Variants in SEPTIN9 observed in about 807,000 individuals in gnomAD.
The protein encoded by SEPTIN9 is septin 9, also known as septin-9.
In SEPTIN9, 13 loss-of-function variants were observed where a neutral mutation model predicts 56.6. That is an observed-to-expected ratio of 0.23 (90% CI 0.15 to 0.37). SEPTIN9 has a LOEUF of 0.37. SEPTIN9 is among the 10% of genes least tolerant of loss of function. The pLI is 1.00. For synonymous variants in SEPTIN9, 332 were observed against 334.1 expected (o/e 0.99, Z 0.07); for missense variants, 650 against 823.1 (o/e 0.79, Z 2.57).
intron 3 of SEPTIN9, among the ~76,000 whole-genome samples, chr17:77,438,335 C>T (rs2037428869): frequency 6.6e-6 from 1 of 152,208 alleles, no homozygotes; most frequent in African/African-American, 2.4e-5. Context: ...AGGCAGCCTC[C>T]TGGGCCTGTA....
intron 2 of SEPTIN9, among the ~76,000 whole-genome samples, chr17:77,349,150 A>G (rs2033979847): frequency 6.6e-6 from 1 of 151,888 alleles, no homozygotes; most frequent in Admixed American, 6.6e-5. Context: ...CACAGGCTAC[A>G]GTGCAATGGT....
chr17:77,498,825 G>A lies in SEPTIN9; in HGVS notation c.*167G>A. On this transcript the variant is annotated 3_prime_UTR_variant, in exon 12 of 12. Transcript: ENST00000427177. ...AGGGAAGGGGCCTCCCTCCGAGTGA[G>A]TCAGTGATGAGGCCGCGGCCTCCCC... 1.6e-6 allele frequency: 1 copy of A among 637,964 alleles called. No individual in the cohort carries two copies. The highest frequency in any genetic ancestry group is 2.9e-6 in the Non-Finnish European group (1 of 346,122). The allele number at this position is 637,964 out of a possible 1,614,324, so 39.5% of individuals were successfully genotyped here.
chr17:77,349,410 C>T (rs1869097445), intron 2 of SEPTIN9, among the ~76,000 whole-genome samples: 1 of 152,184 alleles, frequency 6.6e-6, no homozygotes, highest in South Asian at 2.1e-4. Flanking sequence ...AGCCACTGTG[C>T]CCAGCCTGCT....
intron 2 of SEPTIN9, among the ~76,000 whole-genome samples, chr17:77,393,483 C>T (rs2035608495): frequency 3.3e-5 from 5 of 152,186 alleles, no homozygotes; most frequent in Admixed American, 2.6e-4. Context: ...CACATTTCAG[C>T]ATGCACAGCC....
At chr17:77,418,085 G>A (rs575680301) in intron 3 of SEPTIN9, among the ~76,000 whole-genome samples, 129 of 152,312 alleles carry the variant, frequency 8.5e-4, no homozygotes, top group Admixed American at 5.1e-3. Context: ...CGACTCACAC[G>A]TTGCGGCACC....
At position 77,326,542 on chromosome 17, in the gene SEPTIN9, G is replaced by A. The variant is rs968568837; in HGVS notation, c.76+19345G>A. Among the ~76,000 whole-genome samples, 1 of 152,246 alleles carries A rather than the reference G, an allele frequency of 6.6e-6. No homozygotes were observed. Among genetic ancestry groups the A allele is most frequent in the South Asian group, 2.1e-4 (1 of 4,838 alleles). Reference sequence around the variant, plus strand: ...GCAATGTGTTCAAAGGCCCTGGGGCGCGGGGGGCTGAGGCCGGCAGCACGG... The same window carrying A: ...GCAATGTGTTCAAAGGCCCTGGGGCACGGGGGGCTGAGGCCGGCAGCACGG... On this transcript the variant is annotated intron_variant, in intron 2 of 11. Transcript: ENST00000427177. This position sits in a 1 kb window ranked among gnomAD's most constrained non-coding sequence, Gnocchi z 5.1.
intron 3 of SEPTIN9, among the ~76,000 whole-genome samples, chr17:77,411,592 G>A (rs948247701): frequency 2.6e-5 from 4 of 151,528 alleles, no homozygotes; most frequent in African/African-American, 9.7e-5. Flanking sequence ...AGTAGAGACG[G>A]GGTTTCACCA....
At chr17:77,385,140 T>C (rs1026834447) in intron 2 of SEPTIN9, among the ~76,000 whole-genome samples, 2 of 148,398 alleles carry the variant, frequency 1.3e-5, no homozygotes, top group Non-Finnish European at 3.0e-5. Context: ...GAGACCAGCC[T>C]GGGCAACATA....
Position 77,499,061 on chromosome 17 carries a change from G to A in SEPTIN9, c.*403G>A, listed in dbSNP as rs1028736265. ...TGCAGAGGAGCCCAGTGGGCTGCAC[G>A]CTCCCCTCCATCCCCATCGGCCCTG... On this transcript the variant is annotated 3_prime_UTR_variant, in exon 12 of 12. Coordinates refer to ENST00000427177, the MANE Select transcript of SEPTIN9 (RefSeq NM_001113491.2). 11 of 536,750 alleles carry A rather than the reference G, an allele frequency of 2.0e-5. No individual in the cohort carries two copies. Among genetic ancestry groups the A allele is most frequent in the Non-Finnish European group, 2.5e-5 (7 of 276,940 alleles). The allele number at this position is 536,750 out of a possible 1,614,324, so 33.2% of individuals were successfully genotyped here.
At position 77,475,172 on chromosome 17, in the gene SEPTIN9, AT is replaced by A; in HGVS notation, c.722-6971del. On this transcript the variant is annotated intron_variant, in intron 3 of 11. Transcript: ENST00000427177. The surrounding 1 kb of genome is among the most constrained non-coding windows in gnomAD (Gnocchi z 4.6). ...AGCCGGGCTGGGGTGAGCGTGATGG[AT>A]GAGGTGTCTGGCTTCACAAACCCTG... is the stretch of plus-strand genomic sequence containing the variant. 1 of 1,138,108 alleles carries A rather than the reference AT, an allele frequency of 8.8e-7. No individual in the cohort carries two copies. Among genetic ancestry groups the A allele is most frequent in the Non-Finnish European group, 1.1e-6 (1 of 914,606 alleles). 70.5% of individuals were successfully genotyped at this position (1,138,108 alleles called of 1,614,324 possible). A position where few individuals can be genotyped will look rare whatever the true frequency, so the allele number is the denominator to read the frequency against.
In SEPTIN9 at chr17:77,402,288, G is replaced by T; in HGVS notation, c.306G>T (p.Glu102Asp). 1 of 1,612,542 alleles carries T rather than the reference G, an allele frequency of 6.2e-7. No homozygotes were observed. Among genetic ancestry groups the T allele is most frequent in the East Asian group, 2.2e-5 (1 of 44,836 alleles). The part of the protein sequence containing the change: ...RVELSGPKAA[E>D]PVSRRTELSI... ...AGCTCTCGGGCCCCAAGGCGGCCGAGCCGGTGTCCCGGCGCACTGAGCTGT... is the reference window on the plus strand; with the variant it reads ...AGCTCTCGGGCCCCAAGGCGGCCGATCCGGTGTCCCGGCGCACTGAGCTGT... Residue 102 changes from glutamate (E) to aspartate (D), a missense_variant, in exon 3 of 12, where the codon GAG becomes GAT. Physicochemically the swap from Glu to Asp is conservative, Grantham distance 45. This residue lies in a region of SEPTIN9 where 317 missense variants were observed against 329.1 expected (regional missense o/e 0.96). Coordinates refer to ENST00000427177, the MANE Select transcript of SEPTIN9 (RefSeq NM_001113491.2). This position sits in a 1 kb window ranked among gnomAD's most constrained non-coding sequence, Gnocchi z 6.6.
Position 77,429,259 on chromosome 17 carries a change from A to G in SEPTIN9, c.721+26556A>G, listed in dbSNP as rs2037035294. The G allele has an allele frequency of 4.2e-6, 2 of 471,156 alleles. No homozygotes were observed. The highest frequency in any genetic ancestry group is 1.5e-5 in the South Asian group (1 of 64,574). The allele number at this position is 471,156 out of a possible 1,614,324, so 29.2% of individuals were successfully genotyped here. On this transcript the variant is annotated intron_variant, in intron 3 of 11. Transcript: ENST00000427177. This position sits in a 1 kb window ranked among gnomAD's most constrained non-coding sequence, Gnocchi z 5.2. ...GAGAAGCTCGTTGACCGTGACCTTG[A>G]TCTGACCGTAATTTTGATGGTGCCG...
intron 3 of SEPTIN9, among the ~76,000 whole-genome samples, chr17:77,472,160 G>C (rs1477556719): frequency 1.3e-5 from 2 of 152,180 alleles, no homozygotes; most frequent in South Asian, 2.1e-4. Context: ...GAGGTGGTGG[G>C]TTGCAAATGA....
intron 2 of SEPTIN9, among the ~76,000 whole-genome samples, chr17:77,399,612 G>A (rs1479939353): frequency 2.6e-5 from 4 of 152,150 alleles, no homozygotes; most frequent in East Asian, 1.9e-4. Context: ...GTACGGGGGC[G>A]GTAATAATAT....
At chr17:77,419,238 C>G (rs570869593) in intron 3 of SEPTIN9, among the ~76,000 whole-genome samples, 9 of 152,212 alleles carry the variant, frequency 5.9e-5, no homozygotes, top group Non-Finnish European at 1.0e-4. Flanking sequence ...GGCCCAGCCT[C>G]CTGCTGTGGC....
chr17:77,312,312 C>T (rs1314201399), intron 2 of SEPTIN9, among the ~76,000 whole-genome samples: 1 of 152,162 alleles, frequency 6.6e-6, no homozygotes, highest in African/African-American at 2.4e-5. Flanking sequence ...TCATAGAGCC[C>T]TTAGTTTCCG....
At chr17:77,293,171 ATGCC>A (rs1372782085) in intron 1 of SEPTIN9, among the ~76,000 whole-genome samples, 1 of 151,866 alleles carries the variant, frequency 6.6e-6, no homozygotes, top group East Asian at 1.9e-4. Context: ...TGCACACTAT[ATGCC>A]TGCCTAATTT....
chr17:77,311,415 G>A (rs891220075), intron 2 of SEPTIN9, among the ~76,000 whole-genome samples: 3 of 152,250 alleles, frequency 2.0e-5, no homozygotes, highest in African/African-American at 2.4e-5. Context: ...GACCCCGCCC[G>A]CAGGAAGTCT....
At chr17:77,381,190 G>C (rs993089198) in intron 2 of SEPTIN9, among the ~76,000 whole-genome samples, 1 of 152,202 alleles carries the variant, frequency 6.6e-6, no homozygotes, top group African/African-American at 2.4e-5. Context: ...CCCCCTTCCT[G>C]TATCCAGGAG....
Sources: allele counts gnomAD v4.1 joint callset (sites outside exome capture counted in the v4.1 genomes callset), GRCh38; gene constraint gnomAD v4.1.1; regional missense constraint gnomAD v4.1.1; non-coding constraint Gnocchi (gnomAD v3.1); transcripts MANE v1.5; gene names NCBI Gene and HGNC (gene_info 2026-07-23, HGNC 2026-07-21).